The following GCH1 variants were observed in gnomAD, a reference collection of about 807,000 sequenced individuals.
GCH1 encodes the protein GTP cyclohydrolase 1.
GCH1 carries 5 observed loss-of-function variants against 25.9 expected under a neutral mutation model. That is an observed-to-expected ratio of 0.19 (90% CI 0.10 to 0.41). The LOEUF is 0.41. GCH1 is among the 10% of genes least tolerant of loss of function. The pLI is 1.00. For missense variants in GCH1, 261 were observed against 336.5 expected (o/e 0.78, Z 1.75); for synonymous variants, 159 against 129.6 (o/e 1.23, Z -1.54).
chr14:54,875,159 A>T (rs893716808), intron 1 of GCH1, among the ~76,000 whole-genome samples: 3 of 152,204 alleles, frequency 2.0e-5, no homozygotes, highest in African/African-American at 7.2e-5. Context: ...AGCCCTCAGA[A>T]GTAATGCCGC....
intron 1 of GCH1, among the ~76,000 whole-genome samples, chr14:54,872,864 A>T (rs899750799): frequency 6.6e-6 from 1 of 152,064 alleles, no homozygotes; most frequent in Non-Finnish European, 1.5e-5. Flanking sequence ...AAGTCCTTAG[A>T]GACCTACAAA....
intron 3 of GCH1, among the ~76,000 whole-genome samples, chr14:54,849,548 A>G (rs193141973): frequency 6.6e-6 from 1 of 152,348 alleles, no homozygotes; most frequent in African/African-American, 2.4e-5. Flanking sequence ...TTTTATAAGT[A>G]TATACTGCAA....
intron 3 of GCH1, among the ~76,000 whole-genome samples, chr14:54,853,195 C>G (rs1206104251): frequency 6.6e-6 from 1 of 152,128 alleles, no homozygotes; most frequent in Non-Finnish European, 1.5e-5. Flanking sequence ...AACTGCTGAC[C>G]TCAGGTGACC....
rs3221690 is a variant in GCH1 at position 54,900,845 on chromosome 14, T to TCACACACACACACA, written c.343+1462_343+1475dup. On this transcript the variant is annotated intron_variant, in intron 1 of 5. Transcript: ENST00000491895. ...ACATTTCATTACATTGTGAAATATC[T>TCACACACACACACA]CACACACACACACACACACACACAC... Among the ~76,000 whole-genome samples, 118 of 144,738 alleles carry TCACACACACACACA rather than the reference T, an allele frequency of 8.2e-4. 1 individual carries two copies. The highest frequency in any genetic ancestry group is 5.4e-3 in the Admixed American group (78 of 14,352). The allele number at this position is 144,738 out of a possible 152,430, so 95.0% of individuals were successfully genotyped here.
At chr14:54,874,390 T>C (rs1470631431) in intron 1 of GCH1, among the ~76,000 whole-genome samples, 10 of 152,318 alleles carry the variant, frequency 6.6e-5, no homozygotes, top group Admixed American at 6.5e-4. Flanking sequence ...AATGTCATAC[T>C]GAATGGGCAA....
chr14:54,843,200 G>T lies in GCH1; in HGVS notation c.*817C>A. 1 of 1,448,800 alleles carries T rather than the reference G, an allele frequency of 6.9e-7. No homozygotes were observed. Among genetic ancestry groups the T allele is most frequent in the Non-Finnish European group, 9.0e-7 (1 of 1,105,502 alleles). The allele number at this position is 1,448,800 out of a possible 1,614,324, so 89.7% of individuals were successfully genotyped here. ...TCAATAAACCTATAAAGTTAAAACT[G>T]AGCTGACTAGTTATTTGCAGTGTGA... is the stretch of plus-strand genomic sequence containing the variant. On this transcript the variant is annotated 3_prime_UTR_variant, in exon 6 of 6. Transcript: ENST00000491895.
chr14:54,860,240 A>T (rs1272270485), intron 2 of GCH1, among the ~76,000 whole-genome samples: 2 of 151,342 alleles, frequency 1.3e-5, no homozygotes. Context: ...TGGCCCTGAC[A>T]CTTACCTGTG....
chr14:54,881,254 G>A (rs1191631536), intron 1 of GCH1, among the ~76,000 whole-genome samples: 2 of 151,972 alleles, frequency 1.3e-5, no homozygotes, highest in Non-Finnish European at 2.9e-5. Flanking sequence ...AGGGGCTATA[G>A]GAGGAGGGCA....
chr14:54,897,588 T>C (rs2040506407), intron 1 of GCH1, among the ~76,000 whole-genome samples: 2 of 151,922 alleles, frequency 1.3e-5, no homozygotes, highest in African/African-American at 2.4e-5. Flanking sequence ...CGCGCCCGGC[T>C]ACTCCACTTT....
At chr14:54,891,544 G>A (rs932770840) in intron 1 of GCH1, among the ~76,000 whole-genome samples, 4 of 151,744 alleles carry the variant, frequency 2.6e-5, no homozygotes, top group African/African-American at 9.7e-5. Context: ...CGAGTACCTG[G>A]GATTACAGGC....
chr14:54,847,666 T>TTATA (rs148059269), intron 3 of GCH1, among the ~76,000 whole-genome samples: 14,641 of 148,284 alleles, frequency 0.099, 915 homozygotes, highest in Non-Finnish European at 0.14. Context: ...AAACTCCCCT[T>TTATA]TATATATATA....
At chr14:54,885,815 G>A in intron 1 of GCH1, 1 of 180,356 alleles carries the variant, frequency 5.5e-6, no homozygotes, top group Non-Finnish European at 1.2e-5. Context: ...CTTGAACCCA[G>A]GAGGTGGAAG....
intron 1 of GCH1, among the ~76,000 whole-genome samples, chr14:54,867,250 T>C (rs781337169): frequency 4.6e-5 from 7 of 152,088 alleles, no homozygotes; most frequent in Admixed American, 6.6e-5. Context: ...ACGACAACCA[T>C]ATGGCCCATG....
chr14:54,843,541 T>C lies in GCH1; in HGVS notation c.*476A>G, dbSNP rs1951019359. On this transcript the variant is annotated 3_prime_UTR_variant, in exon 6 of 6. Transcript: ENST00000491895. The stretch of plus-strand genomic sequence containing the variant: ...GGTGGTTTAATAAACATGACCAAAG[T>C]GAAGTCTGTTGAACTTGAATTCACA... The C allele has an allele frequency of 1.5e-6, 2 of 1,348,962 alleles. No individual in the cohort carries two copies. The highest frequency in any genetic ancestry group is 9.5e-7 in the Non-Finnish European group (1 of 1,051,362). 83.6% of individuals were successfully genotyped at this position (1,348,962 alleles called of 1,614,324 possible).
chr14:54,845,208 AG>A (rs1185274279), intron 5 of GCH1, among the ~76,000 whole-genome samples: 1 of 151,650 alleles, frequency 6.6e-6, no homozygotes, highest in Non-Finnish European at 1.5e-5. Flanking sequence ...AGCTGGGCGC[AG>A]GGGCTCACGC....
chr14:54,843,110 T>C lies in GCH1; in HGVS notation c.*907A>G. On this transcript the variant is annotated 3_prime_UTR_variant, in exon 6 of 6. Coordinates refer to ENST00000491895, the MANE Select transcript of GCH1 (RefSeq NM_000161.3). Reference sequence around the variant, plus strand: ...TGGAAATACTTAGAAAAATATCTTATAAGATTAAAAAAAAGAAGAAGAAGA... The same window carrying C: ...TGGAAATACTTAGAAAAATATCTTACAAGATTAAAAAAAAGAAGAAGAAGA... The C allele has an allele frequency of 2.0e-6, 3 of 1,489,316 alleles. No homozygotes were observed. The highest frequency in any genetic ancestry group is 1.2e-5 in the South Asian group (1 of 82,848). 92.3% of individuals were successfully genotyped at this position (1,489,316 alleles called of 1,614,324 possible).
chr14:54,880,460 T>TACTCCATATATATATAC lies in GCH1; in HGVS notation c.344-15025_344-15024insGTATATATATATGGAGT, dbSNP rs1555361262. ...TATATATATACTCCATATAAATATA[T>TACTCCATATATATATAC]ACTCCATATATATATATACACTCCA... On this transcript the variant is annotated intron_variant, in intron 1 of 5. Coordinates refer to ENST00000491895, the MANE Select transcript of GCH1 (RefSeq NM_000161.3). Among the ~76,000 whole-genome samples, 90 of 95,038 alleles carry TACTCCATATATATATAC rather than the reference T, an allele frequency of 9.5e-4. 5 individuals carry two copies. Among genetic ancestry groups the TACTCCATATATATATAC allele is most frequent in the South Asian group, 1.2e-3 (4 of 3,250 alleles). 62.3% of individuals were successfully genotyped at this position (95,038 alleles called of 152,430 possible).
intron 4 of GCH1, among the ~76,000 whole-genome samples, chr14:54,846,417 C>T (rs1272946716): frequency 3.3e-5 from 5 of 152,096 alleles, no homozygotes; most frequent in Admixed American, 6.5e-5. Flanking sequence ...GTATAGGTTA[C>T]GCCAAGCCAT....
intron 2 of GCH1, among the ~76,000 whole-genome samples, chr14:54,861,624 G>A (rs1482795925): frequency 6.6e-6 from 1 of 151,696 alleles, no homozygotes; most frequent in Non-Finnish European, 1.5e-5. Flanking sequence ...TCGAGAGGCT[G>A]AAGCAGAAGA....
Sources: allele counts gnomAD v4.1 joint callset (sites outside exome capture counted in the v4.1 genomes callset), GRCh38; gene constraint gnomAD v4.1.1; transcripts MANE v1.5; gene names NCBI Gene and HGNC (gene_info 2026-07-23, HGNC 2026-07-21).